BACH2: variants seen among roughly 807,000 people sequenced by gnomAD.
BACH2 encodes the protein transcription regulator protein BACH2.
A neutral mutation model predicts 61.8 loss-of-function variants in BACH2; 5 were observed. That is an observed-to-expected ratio of 0.08 (90% CI 0.04 to 0.17). The LOEUF (loss-of-function observed/expected upper bound fraction) is 0.17. Among genes scored for constraint, BACH2 ranks in the 10% least tolerant of loss-of-function variants. The pLI, the probability that BACH2 is intolerant of heterozygous loss-of-function variation, is 1.00. For synonymous variants in BACH2, 446 were observed against 440.1 expected, an observed-to-expected ratio of 1.01 and a Z score of -0.17; for missense variants, 824 against 1,091.1, an observed-to-expected ratio of 0.76 and a Z score of 3.45.
At chr6:90,224,109 G>C (rs1769832515) in intron 3 of BACH2, among the ~76,000 whole-genome samples, 1 of 152,144 alleles carries the variant, frequency 6.6e-6, no homozygotes, top group Non-Finnish European at 1.5e-5. Flanking sequence ...CAGTTCTTTA[G>C]CATTTCATTT....
chr6:90,112,006 A>G (rs1488051092), intron 4 of BACH2, among the ~76,000 whole-genome samples: 1 of 152,244 alleles, frequency 6.6e-6, no homozygotes, highest in Admixed American at 6.5e-5. Flanking sequence ...ATGATGTGTT[A>G]CAACTTGTAA....
chr6:90,009,927 A>C (rs992858185), intron 5 of BACH2, among the ~76,000 whole-genome samples: 3 of 152,208 alleles, frequency 2.0e-5, no homozygotes, highest in Admixed American at 6.5e-5. Context: ...GGCCTCCCAA[A>C]GTGCTGGGAT....
intron 4 of BACH2, among the ~76,000 whole-genome samples, chr6:90,107,323 G>A (rs1782965058): frequency 6.6e-6 from 1 of 151,852 alleles, no homozygotes; most frequent in Non-Finnish European, 1.5e-5. Context: ...AGTGAGCTGA[G>A]ATCGTGCCAC....
intron 4 of BACH2, among the ~76,000 whole-genome samples, chr6:90,193,701 G>A (rs937705473): frequency 6.6e-6 from 1 of 152,204 alleles, no homozygotes; most frequent in African/African-American, 2.4e-5. Flanking sequence ...TGAGAGCTGA[G>A]CAAGAAAGGA....
At chr6:90,279,721 A>G (rs1479680548) in intron 1 of BACH2, among the ~76,000 whole-genome samples, 2 of 152,216 alleles carry the variant, frequency 1.3e-5, no homozygotes, top group African/African-American at 4.8e-5. Context: ...TCTATTCATG[A>G]GACGTTTTCT....
chr6:90,059,813 A>G (rs1780583408), intron 5 of BACH2, among the ~76,000 whole-genome samples: 1 of 152,042 alleles, frequency 6.6e-6, no homozygotes, highest in Non-Finnish European at 1.5e-5. Context: ...TGATGAGTTC[A>G]TGTCCTTTGT....
chr6:89,933,470 A>G (rs1448870500), intron 8 of BACH2, among the ~76,000 whole-genome samples: 2 of 152,088 alleles, frequency 1.3e-5, no homozygotes, highest in Non-Finnish European at 2.9e-5. Context: ...GTCATTATAC[A>G]TTTGTCCAAA....
At chr6:90,272,401 G>A (rs1014128226) in intron 1 of BACH2, among the ~76,000 whole-genome samples, 9 of 151,542 alleles carry the variant, frequency 5.9e-5, no homozygotes, top group African/African-American at 1.2e-4. Context: ...CTCAGAAATC[G>A]TCTGTTCCCA....
At chr6:89,949,986 T>G in intron 7 of BACH2, 1 of 465,766 alleles carries the variant, frequency 2.1e-6, no homozygotes. Context: ...AGTGCCTCAG[T>G]GTACTTCATG....
At chr6:90,264,719 G>A (rs1474580183) in intron 2 of BACH2, among the ~76,000 whole-genome samples, 1 of 152,118 alleles carries the variant, frequency 6.6e-6, no homozygotes, top group Non-Finnish European at 1.5e-5. Context: ...TCACAGCCAG[G>A]CATTTTTCTC....
intron 1 of BACH2, among the ~76,000 whole-genome samples, chr6:90,280,739 T>C (rs890827146): frequency 1.3e-5 from 2 of 152,168 alleles, no homozygotes; most frequent in African/African-American, 4.8e-5. Flanking sequence ...GCAGTGGGTA[T>C]TGTGGCCCCA....
Position 90,040,803 on chromosome 6 carries a change from A to G in BACH2, c.-12-31947T>C, listed in dbSNP as rs116270279. Among the ~76,000 whole-genome samples the G allele has an allele frequency of 5.7e-3, 868 of 152,234 alleles. 12 individuals carry two copies. Among genetic ancestry groups the G allele is most frequent in the African/African-American group, 0.02 (839 of 41,548 alleles). On this transcript the variant is annotated intron_variant, in intron 5 of 8. Transcript: ENST00000257749. ...CATATATATATATACACATGTGTAT[A>G]TATTTTATTTGAACTTTTCTTTTTT...
At chr6:90,114,072 T>C (rs533144342) in intron 4 of BACH2, among the ~76,000 whole-genome samples, 5 of 152,110 alleles carry the variant, frequency 3.3e-5, no homozygotes, top group Non-Finnish European at 7.4e-5. Context: ...GATTCACAGC[T>C]GAATCCCACC....
intron 6 of BACH2, among the ~76,000 whole-genome samples, chr6:90,007,442 C>T (rs565339650): frequency 1.3e-5 from 2 of 152,268 alleles, no homozygotes; most frequent in East Asian, 3.9e-4. Flanking sequence ...GCTGGGGCTA[C>T]AGGTGCACTC....
chr6:89,997,878 C>A (rs2127777195), intron 6 of BACH2, among the ~76,000 whole-genome samples: 1 of 152,190 alleles, frequency 6.6e-6, no homozygotes, highest in South Asian at 2.1e-4. Context: ...GTTGTTAATG[C>A]CACCTCCAGG....
intron 2 of BACH2, among the ~76,000 whole-genome samples, chr6:90,256,744 CTATT>C (rs1435839879): frequency 3.3e-5 from 5 of 152,026 alleles, no homozygotes; most frequent in Non-Finnish European, 5.9e-5. Context: ...CTCAGTTACC[CTATT>C]TTTGTTTTTA....
intron 5 of BACH2, among the ~76,000 whole-genome samples, chr6:90,066,571 T>A (rs1226547768): frequency 6.6e-6 from 1 of 152,156 alleles, no homozygotes; most frequent in Non-Finnish European, 1.5e-5. Context: ...AATATCAAGG[T>A]GTCAGCTCCT....
intron 4 of BACH2, among the ~76,000 whole-genome samples, chr6:90,164,450 C>T (rs1264582897): frequency 6.6e-6 from 1 of 151,548 alleles, no homozygotes; most frequent in Non-Finnish European, 1.5e-5. Context: ...AAGTCCAGGA[C>T]CAGATGGATT....
chr6:90,283,786 TC>T lies in BACH2; in HGVS notation c.-445-11846del, dbSNP rs1264326060. ...ACTTAGGGAGGCTGAGGCAGGCAGATCACTTGAGGTCAGGAGTTCGAGACCA... is the reference window on the plus strand; with the variant it reads ...ACTTAGGGAGGCTGAGGCAGGCAGATACTTGAGGTCAGGAGTTCGAGACCA... On this transcript the variant is annotated intron_variant, in intron 1 of 8. Transcript: ENST00000257749. 5.9e-5 allele frequency among the ~76,000 whole-genome samples: 9 copies of T among 152,028 alleles called. No individual in the cohort carries two copies. In the South Asian group the frequency reaches 1.7e-3, roughly 28 times the overall value.
Sources: gnomAD v4.1 joint callset for allele counts (sites outside exome capture counted in the v4.1 genomes callset) on GRCh38, gnomAD v4.1.1 for gene constraint, MANE v1.5 for transcripts, NCBI Gene and HGNC (gene_info 2026-07-23, HGNC 2026-07-21) for gene names.